The following NOLC1 variants were observed in gnomAD, a reference collection of about 807,000 sequenced individuals.
NOLC1 encodes the protein nucleolar and coiled-body phosphoprotein 1.
In NOLC1, 37 loss-of-function variants were observed where a neutral mutation model predicts 73.4. The ratio of observed to expected loss-of-function variants is 0.50; its 90% CI spans 0.39 to 0.66. The LOEUF is 0.66. Ranked by LOEUF, NOLC1 falls within the 30% of genes least tolerant of loss-of-function variation. The pLI, the probability that NOLC1 is intolerant of heterozygous loss-of-function variation, is 0.00. For missense variants in NOLC1, 921 were observed against 838.9 expected (o/e 1.10, Z -1.21); for synonymous variants, 327 against 302.6 (o/e 1.08, Z -0.84).
chr10:102,160,106 C>A, intron 8 of NOLC1, 82 bp downstream of exon 8: 1 of 1,587,716 alleles, frequency 6.3e-7, no homozygotes, highest in South Asian at 1.1e-5. Flanking sequence ...AGCCTTCCAT[C>A]CTTCGGTTGC....
chr10:102,152,419 C>T lies in NOLC1; in HGVS notation c.9C>T (p.Asp3=), dbSNP rs540452525. 20 of 1,610,602 alleles carry T rather than the reference C, an allele frequency of 1.2e-5. No homozygotes were observed. The highest frequency in any genetic ancestry group is 8.8e-5 in the South Asian group (8 of 91,088). The part of the protein sequence containing the change: MA[D]AGIRRVVPSD... ...CGCGTATTGCCTGGAGGATGGCGGACGCCGGCATTCGCCGCGTGGTTCCCA... is the reference window on the plus strand; with the variant it reads ...CGCGTATTGCCTGGAGGATGGCGGATGCCGGCATTCGCCGCGTGGTTCCCA... The change falls in exon 1 of 13, where the codon GAC becomes GAT. Residue 3 remains aspartate (D), a synonymous_variant. Transcript: ENST00000605788.
intron 7 of NOLC1, 139 bp from the exon 8 acceptor site, chr10:102,159,757 C>T (rs2069668458): frequency 4.7e-6 from 5 of 1,064,720 alleles, no homozygotes; most frequent in Non-Finnish European, 6.7e-6. Flanking sequence ...AGAGGTGACA[C>T]CATGTTCTGT....
Position 102,158,221 on chromosome 10 carries a change from T to C in NOLC1, c.607+7T>C, listed in dbSNP as rs746521867. On this transcript the variant is annotated splice_region_variant and intron_variant, in intron 5 of 12. Coordinates refer to ENST00000605788, the MANE Select transcript of NOLC1 (RefSeq NM_004741.5). Reference sequence around the variant, plus strand: ...AAAGCCCCTCCCAAACCAGGTACTGTTTCTGTTCCCAAGAGGCTGGGCTGG... The same window carrying C: ...AAAGCCCCTCCCAAACCAGGTACTGCTTCTGTTCCCAAGAGGCTGGGCTGG... The C allele has an allele frequency of 1.9e-6, 3 of 1,613,010 alleles. No individual in the cohort carries two copies. In the East Asian group the frequency reaches 6.7e-5, roughly 36 times the overall value.
chr10:102,160,870 A>G lies in NOLC1; in HGVS notation c.1518A>G (p.Pro506=). ...KVAGGAAPSK[P]ASAKKGKAES... Reference sequence around the variant, plus strand: ...CAGGAGGTGCAGCCCCTTCCAAGCCAGCCTCTGCAAAGAAAGGAAAGGCTG... The same window carrying G: ...CAGGAGGTGCAGCCCCTTCCAAGCCGGCCTCTGCAAAGAAAGGAAAGGCTG... Residue 506 remains proline (P), a synonymous_variant, in exon 10 of 13, where the codon CCA becomes CCG. Coordinates refer to ENST00000605788, the MANE Select transcript of NOLC1 (RefSeq NM_004741.5). 6.2e-7 allele frequency: 1 copy of G among 1,614,156 alleles called. No homozygotes were observed. Among genetic ancestry groups the G allele is most frequent in the Non-Finnish European group, 8.5e-7 (1 of 1,180,018 alleles).
intron 1 of NOLC1, among the ~76,000 whole-genome samples, chr10:102,156,491 G>A (rs1466614356): frequency 6.6e-6 from 1 of 151,570 alleles, no homozygotes; most frequent in Non-Finnish European, 1.5e-5. Context: ...GCAGTGGCGC[G>A]ATCTCCTAGG....
In NOLC1 at chr10:102,162,437, T is replaced by C. The variant is rs1037362489; in HGVS notation, c.*168T>C. 6 of 579,122 alleles carry C rather than the reference T, an allele frequency of 1.0e-5. No homozygotes were observed. Among genetic ancestry groups the C allele is most frequent in the African/African-American group, 3.8e-5 (2 of 53,066 alleles). The allele number at this position is 579,122 out of a possible 1,614,324, so 35.9% of individuals were successfully genotyped here. On this transcript the variant is annotated 3_prime_UTR_variant, in exon 13 of 13. Transcript: ENST00000605788. ...CATCCTCTCTGGTCCTTTTCTGTGT[T>C]CCTAGTTTTGTACAGACTTGTTTTT...
intron 7 of NOLC1, 78 bp downstream of exon 7, chr10:102,159,646 A>G: frequency 7.0e-7 from 1 of 1,427,982 alleles, no homozygotes; most frequent in African/African-American, 1.4e-5. Flanking sequence ...CTCTCCATAG[A>G]GGTGCATGAG....
intron 1 of NOLC1, among the ~76,000 whole-genome samples, chr10:102,152,765 C>T (rs1438050188): frequency 6.6e-6 from 1 of 152,218 alleles, no homozygotes; most frequent in Non-Finnish European, 1.5e-5. Flanking sequence ...GTGACCTGTG[C>T]AGCGGCGGCA....
At chr10:102,155,380 CAA>C (rs1182815043) in intron 1 of NOLC1, among the ~76,000 whole-genome samples, 14 of 127,856 alleles carry the variant, frequency 1.1e-4, no homozygotes, top group Admixed American at 1.6e-4. Context: ...AATTCCATTT[CAA>C]AAAAAAAAAA....
intron 1 of NOLC1, 137 bp from the exon 2 acceptor site, chr10:102,156,882 T>C: frequency 1.2e-6 from 1 of 833,198 alleles, no homozygotes; most frequent in South Asian, 1.6e-5. Flanking sequence ...TTTCTCCTGA[T>C]TTATGCACGT....
At chr10:102,159,865 C>T (rs375793229) in intron 7 of NOLC1, 31 bp from the exon 8 acceptor site, 1 of 1,500,770 alleles carries the variant, frequency 6.7e-7, no homozygotes, top group South Asian at 1.3e-5. Context: ...TAGACATATC[C>T]TAAAACCATC....
chr10:102,155,917 C>T (rs1424272556), intron 1 of NOLC1, among the ~76,000 whole-genome samples: 3 of 151,846 alleles, frequency 2.0e-5, no homozygotes, highest in East Asian at 3.9e-4. Context: ...AGTGCAGTGG[C>T]GCGATCTCAG....
At chr10:102,159,139 T>C (rs1028703626) in intron 5 of NOLC1, 54 bp from the exon 6 acceptor site, 1 of 1,554,982 alleles carries the variant, frequency 6.4e-7, no homozygotes, top group African/African-American at 1.4e-5. Context: ...AGGTTTTTCA[T>C]GGTCCTGACT....
Position 102,161,927 on chromosome 10 carries a change from TGAGA to T in NOLC1, c.1941+9_1941+12del, listed in dbSNP as rs753438772. On this transcript the variant is annotated splice_donor_5th_base_variant and intron_variant, in intron 12 of 12. Coordinates refer to ENST00000605788, the MANE Select transcript of NOLC1 (RefSeq NM_004741.5). Reference sequence around the variant, plus strand: ...GCGGACAACTCCTTTGATGCCAAGGTGAGAGAGAGATCTGTGCCATTCTTGGGAG... The same window carrying T: ...GCGGACAACTCCTTTGATGCCAAGGTGAGAGATCTGTGCCATTCTTGGGAG... 1.3e-5 allele frequency: 21 copies of T among 1,613,572 alleles called. No homozygotes were observed. The highest frequency in any genetic ancestry group is 1.6e-4 in the Middle Eastern group (1 of 6,082).
rs748043856 is a variant in NOLC1, at chr10:102,159,221, T to G, written c.636T>G (p.Gly212=). 6.2e-7 allele frequency: 1 copy of G among 1,613,904 alleles called. No individual in the cohort carries two copies. Among genetic ancestry groups the G allele is most frequent in the Non-Finnish European group, 8.5e-7 (1 of 1,179,982 alleles). Residue 212 remains glycine (G), a synonymous_variant, in exon 6 of 13, where the codon GGT becomes GGG. Coordinates refer to ENST00000605788, the MANE Select transcript of NOLC1 (RefSeq NM_004741.5). ...PARAAPKIAN[G]KAASSSSSSS... is the part of the protein sequence containing the mutation. ...GAGCAGCACCTAAAATAGCCAATGG[T>G]AAAGCAGCCAGTAGCAGCAGTAGCA...
chr10:102,162,392 C>G lies in NOLC1; in HGVS notation c.*123C>G. ...ATGAGGACAGAAGTTTAGAGTAGGT[C>G]CTAAGACTTTACAGTGTAACATCCT... is the stretch of plus-strand genomic sequence containing the variant. On this transcript the variant is annotated 3_prime_UTR_variant, in exon 13 of 13. Coordinates refer to ENST00000605788, the MANE Select transcript of NOLC1 (RefSeq NM_004741.5). 1 of 1,004,146 alleles carries G rather than the reference C, an allele frequency of 1.0e-6. No individual in the cohort carries two copies. Among genetic ancestry groups the G allele is most frequent in the Non-Finnish European group, 1.5e-6 (1 of 680,488 alleles). The allele number at this position is 1,004,146 out of a possible 1,614,324, so 62.2% of individuals were successfully genotyped here.
chr10:102,157,131 G>T (rs1247481602), intron 2 of NOLC1, 57 bp downstream of exon 2: 67 of 1,613,844 alleles, frequency 4.2e-5, no homozygotes, highest in Middle Eastern at 1.6e-4. Context: ...GCTGGGCTGT[G>T]TTTCTTGGTT....
chr10:102,161,997 G>A (rs144184881), intron 12 of NOLC1, 72 bp downstream of exon 12: 317 of 1,603,088 alleles, frequency 2.0e-4, no homozygotes, highest in Middle Eastern at 5.4e-4. Flanking sequence ...CTTGGTTCAG[G>A]TTGGTGGGAA....
chr10:102,157,406 T>TA (rs1367079193), intron 3 of NOLC1, 25 bp from the exon 4 acceptor site: 1 of 1,613,884 alleles, frequency 6.2e-7, no homozygotes, highest in Non-Finnish European at 8.5e-7. Flanking sequence ...GGCTGATTCT[T>TA]ACTGGGACCT....
Sources: allele counts gnomAD v4.1 joint callset (sites outside exome capture counted in the v4.1 genomes callset), GRCh38; gene constraint gnomAD v4.1.1; transcripts MANE v1.5; gene names NCBI Gene and HGNC (gene_info 2026-07-23, HGNC 2026-07-21).